IKZF3: variants seen among roughly 807,000 people sequenced by gnomAD.
The protein encoded by IKZF3 is zinc finger protein Aiolos.
Under a neutral mutation model 49.0 loss-of-function variants are expected in IKZF3, and 10 were observed. The observed-to-expected ratio is 0.20, with a 90% CI of 0.13 to 0.35. The LOEUF is 0.35. Ranked by LOEUF, IKZF3 falls within the 10% of genes least tolerant of loss-of-function variation. IKZF3 has a pLI of 1.00. For synonymous variants in IKZF3, 209 were observed against 228.2 expected, an observed-to-expected ratio of 0.92 and a Z score of 0.76; for missense variants, 498 against 664.8, an observed-to-expected ratio of 0.75 and a Z score of 2.76.
At chr17:39,802,346 T>A (rs1340446129) in intron 3 of IKZF3, among the ~76,000 whole-genome samples, 1 of 151,412 alleles carries the variant, frequency 6.6e-6, no homozygotes, top group African/African-American at 2.4e-5. Flanking sequence ...ATAGCTTACA[T>A]CTGTAACTCC....
intron 3 of IKZF3, among the ~76,000 whole-genome samples, 189 bp downstream of exon 3, chr17:39,829,198 C>T: frequency 6.6e-6 from 1 of 152,130 alleles, no homozygotes; most frequent in Non-Finnish European, 1.5e-5. Context: ...TGGATAAGCA[C>T]CTTAAATTCT....
intron 3 of IKZF3, among the ~76,000 whole-genome samples, chr17:39,804,445 C>CAAA (rs755310056): frequency 2.5e-5 from 2 of 80,368 alleles, no homozygotes; most frequent in African/African-American, 4.3e-5. Context: ...GACTCTGTCT[C>CAAA]AAAAAAAAAA....
chr17:39,790,894 TA>T (rs563957346), intron 5 of IKZF3, among the ~76,000 whole-genome samples: 4,618 of 134,688 alleles, frequency 0.034, 186 homozygotes, highest in African/African-American at 0.11. Flanking sequence ...CATGTTTATT[TA>T]AAAAAAAAAA....
At chr17:39,782,513 GA>G (rs908294219) in intron 6 of IKZF3, among the ~76,000 whole-genome samples, 1 of 151,416 alleles carries the variant, frequency 6.6e-6, no homozygotes, top group Non-Finnish European at 1.5e-5. Context: ...GCACTGAAAA[GA>G]AAAAAAAGAG....
intron 1 of IKZF3, among the ~76,000 whole-genome samples, chr17:39,853,819 A>G (rs1377285139): frequency 2.0e-5 from 3 of 148,788 alleles, no homozygotes; most frequent in African/African-American, 7.5e-5. Context: ...TGGCAACAAG[A>G]GCGAAACTCC....
chr17:39,778,094 G>C (rs957079345), intron 6 of IKZF3: 2 of 1,015,832 alleles, frequency 2.0e-6, no homozygotes, highest in African/African-American at 1.7e-5. Flanking sequence ...TCTAACCCCC[G>C]ATCAGCCTTC....
chr17:39,850,427 GTA>G (rs1442236464), intron 1 of IKZF3, among the ~76,000 whole-genome samples: 2 of 125,988 alleles, frequency 1.6e-5, no homozygotes, highest in Non-Finnish European at 3.1e-5. Flanking sequence ...CATATTGTAT[GTA>G]TATATAATAT....
chr17:39,864,037 G>C (rs2063294229), intron 1 of IKZF3, 83 bp downstream of exon 1: 1 of 1,553,246 alleles, frequency 6.4e-7, no homozygotes, highest in Non-Finnish European at 8.9e-7. Context: ...GCAAAACTGA[G>C]ATTCAGAAGA....
rs1045323797 is a variant in IKZF3 at position 39,758,915 on chromosome 17, A to T, written c.*6875T>A. 11 of 150,044 alleles carry T rather than the reference A, an allele frequency of 7.3e-5. No homozygotes were observed. The highest frequency in any genetic ancestry group is 2.5e-4 in the African/African-American group (10 of 40,456). The allele number at this position is 150,044 out of a possible 1,614,324, so 9.3% of individuals were successfully genotyped here. A position where few individuals can be genotyped will look rare whatever the true frequency, so the allele number is the denominator to read the frequency against. On this transcript the variant is annotated 3_prime_UTR_variant, in exon 8 of 8. Coordinates refer to ENST00000346872, the MANE Select transcript of IKZF3 (RefSeq NM_012481.5). ...TAGGACACGGTACATTTTCCACTGA[A>T]AATTTACAATCATCCAACATAATGC...
intron 3 of IKZF3, among the ~76,000 whole-genome samples, chr17:39,822,334 T>C (rs1598113929): frequency 6.6e-6 from 1 of 151,902 alleles, no homozygotes; most frequent in African/African-American, 2.4e-5. Flanking sequence ...CAGTGGGAGG[T>C]AAATGAATCA....
At chr17:39,833,205 C>G (rs1217647557) in intron 1 of IKZF3, among the ~76,000 whole-genome samples, 1 of 152,174 alleles carries the variant, frequency 6.6e-6, no homozygotes, top group African/African-American at 2.4e-5. Flanking sequence ...TCAGTCCTAA[C>G]ATTTCAGCAT....
At chr17:39,810,367 T>C (rs2061522505) in intron 3 of IKZF3, among the ~76,000 whole-genome samples, 1 of 152,228 alleles carries the variant, frequency 6.6e-6, no homozygotes, top group African/African-American at 2.4e-5. Context: ...GTTTGTGTAT[T>C]GTAAATAATG....
chr17:39,808,483 T>C (rs914618840), intron 3 of IKZF3, among the ~76,000 whole-genome samples: 3 of 152,326 alleles, frequency 2.0e-5, no homozygotes, highest in Admixed American at 1.3e-4. Context: ...TCCAGATACA[T>C]AAGGATATAT....
intron 4 of IKZF3, among the ~76,000 whole-genome samples, chr17:39,791,969 C>T (rs1271496680): frequency 1.4e-5 from 2 of 146,290 alleles, no homozygotes; most frequent in Admixed American, 6.9e-5. Context: ...TCATGGCTCA[C>T]TGAAACCTTG....
rs1379362087 is a variant in IKZF3, at chr17:39,764,468, A to G, written c.*1322T>C. ...CAACAGAGTGAGATCCTGTCTCAAA[A>G]AAAAAAAAAAAAAAAAAGTTAAACG... is the stretch of plus-strand genomic sequence containing the variant. On this transcript the variant is annotated 3_prime_UTR_variant, in exon 8 of 8. Transcript: ENST00000346872. The G allele has an allele frequency of 6.6e-6, 1 of 151,782 alleles. No individual in the cohort carries two copies. The highest frequency in any genetic ancestry group is 1.5e-5 in the Non-Finnish European group (1 of 68,352). The allele number at this position is 151,782 out of a possible 1,614,324, so 9.4% of individuals were successfully genotyped here.
intron 1 of IKZF3, among the ~76,000 whole-genome samples, chr17:39,860,201 T>C (rs1226397211): frequency 6.6e-6 from 1 of 152,086 alleles, no homozygotes; most frequent in East Asian, 1.9e-4. Context: ...CCTAGGAGTT[T>C]GTGGTAGCCT....
intron 1 of IKZF3, among the ~76,000 whole-genome samples, chr17:39,850,706 A>ACAT (rs2062825834): frequency 4.4e-4 from 1 of 2,276 alleles, no homozygotes; most frequent in African/African-American, 1.6e-3. Context: ...TACATTATAT[A>ACAT]TAATACATTA....
intron 3 of IKZF3, among the ~76,000 whole-genome samples, chr17:39,813,811 T>C (rs1009619118): frequency 6.6e-6 from 1 of 152,190 alleles, no homozygotes; most frequent in Admixed American, 6.5e-5. Flanking sequence ...CTGCATCCCA[T>C]GAGTGACAGG....
chr17:39,800,218 A>G (rs2061282365), intron 3 of IKZF3, among the ~76,000 whole-genome samples: 1 of 152,222 alleles, frequency 6.6e-6, no homozygotes, highest in Non-Finnish European at 1.5e-5. Context: ...TTCTTATAAT[A>G]TATATCAGGT....
Sources: gnomAD v4.1 joint callset for allele counts (sites outside exome capture counted in the v4.1 genomes callset) on GRCh38, gnomAD v4.1.1 for gene constraint, MANE v1.5 for transcripts, NCBI Gene and HGNC (gene_info 2026-07-23, HGNC 2026-07-21) for gene names.